The following SGCD variants were observed in gnomAD, a reference collection of about 807,000 sequenced individuals.
The protein encoded by SGCD is sarcoglycan delta, also known as delta-sarcoglycan.
A neutral mutation model predicts 36.6 loss-of-function variants in SGCD; 18 were observed. The observed-to-expected ratio is 0.49, with a 90% CI of 0.34 to 0.73. SGCD has a LOEUF of 0.73. Among genes scored for constraint, SGCD ranks in the 30% least tolerant of loss-of-function variants. The probability of loss-of-function intolerance (pLI) is 0.01; values close to 1 mark genes in which losing one functional copy is unlikely to be tolerated. For synonymous variants in SGCD, 133 were observed against 130.6 expected, an observed-to-expected ratio of 1.02 and a Z score of -0.12; for missense variants, 387 against 346.7, an observed-to-expected ratio of 1.12 and a Z score of -0.92.
chr5:156,307,180 T>A (rs1327757991), intron 3 of SGCD, among the ~76,000 whole-genome samples: 3 of 152,066 alleles, frequency 2.0e-5, no homozygotes, highest in Non-Finnish European at 2.9e-5. Context: ...TAGCTGGGAC[T>A]ATAAGTGTGC....
chr5:156,134,637 A>T (rs921796903), intron 3 of SGCD, among the ~76,000 whole-genome samples: 29 of 144,036 alleles, frequency 2.0e-4, no homozygotes, highest in Non-Finnish European at 7.6e-5. Context: ...ATAGGTGGGA[A>T]TTGAACCATG....
intron 4 of SGCD, among the ~76,000 whole-genome samples, chr5:156,517,413 G>A (rs577694233): frequency 2.0e-5 from 3 of 152,242 alleles, no homozygotes; most frequent in Admixed American, 6.5e-5. Context: ...GTTGGAAAAC[G>A]TACTTCAGAA....
At chr5:156,080,657 C>T (rs1158977213) in intron 1 of SGCD, among the ~76,000 whole-genome samples, 1 of 152,184 alleles carries the variant, frequency 6.6e-6, no homozygotes, top group African/African-American at 2.4e-5. Context: ...CCACAGATCC[C>T]TAGGGCATGA....
chr5:156,612,275 C>T (rs1017216805), intron 6 of SGCD, among the ~76,000 whole-genome samples: 1 of 152,172 alleles, frequency 6.6e-6, no homozygotes, highest in African/African-American at 2.4e-5. Context: ...GAGAATGGTG[C>T]ATTGGCTTTT....
intron 1 of SGCD, among the ~76,000 whole-genome samples, chr5:155,966,611 C>CT (rs2127558307): frequency 6.6e-6 from 1 of 152,222 alleles, no homozygotes; most frequent in South Asian, 2.1e-4. Flanking sequence ...TTTAACCTTT[C>CT]TTTTACCAGC....
intron 3 of SGCD, among the ~76,000 whole-genome samples, chr5:156,402,631 A>G (rs1772214621): frequency 6.6e-6 from 1 of 152,224 alleles, no homozygotes; most frequent in South Asian, 2.1e-4. Context: ...TCATACATGC[A>G]TGAACTTGCA....
At chr5:155,907,609 A>C (rs548065688) in intron 1 of SGCD, among the ~76,000 whole-genome samples, 1 of 152,258 alleles carries the variant, frequency 6.6e-6, no homozygotes, top group Admixed American at 6.6e-5. Context: ...TATCATAAAA[A>C]TAGTAAGAGA....
chr5:156,384,040 C>G (rs140615), intron 3 of SGCD, among the ~76,000 whole-genome samples: 82,043 of 151,964 alleles, frequency 0.54, 22,614 homozygotes, highest in East Asian at 0.72. Context: ...ATATGTATTT[C>G]GGTGTGTACA....
intron 3 of SGCD, among the ~76,000 whole-genome samples, chr5:156,134,250 T>A (rs1048984369): frequency 6.6e-6 from 1 of 152,048 alleles, no homozygotes; most frequent in Non-Finnish European, 1.5e-5. Flanking sequence ...GATTGAAGAG[T>A]CAATCTATGC....
chr5:156,419,569 G>A (rs1479033334), intron 3 of SGCD, among the ~76,000 whole-genome samples: 1 of 152,146 alleles, frequency 6.6e-6, no homozygotes, highest in Non-Finnish European at 1.5e-5. Context: ...ATCAGCCTAA[G>A]AATCTGATAA....
intron 3 of SGCD, among the ~76,000 whole-genome samples, chr5:156,221,208 C>T (rs1764709251): frequency 6.6e-6 from 1 of 151,950 alleles, no homozygotes; most frequent in African/African-American, 2.4e-5. Context: ...ACTGGGAAGT[C>T]CAAGATCATG....
chr5:156,102,022 T>G (rs1026830111), intron 1 of SGCD, among the ~76,000 whole-genome samples: 3 of 151,050 alleles, frequency 2.0e-5, no homozygotes, highest in Non-Finnish European at 4.4e-5. Context: ...GTTTATGGAC[T>G]CATAGCATTT....
chr5:156,728,336 A>G (rs1316764742), intron 7 of SGCD, among the ~76,000 whole-genome samples: 1 of 151,920 alleles, frequency 6.6e-6, no homozygotes, highest in Non-Finnish European at 1.5e-5. Context: ...AACATGGCAA[A>G]ATCCCGTCTC....
At chr5:155,937,739 C>T (rs1422699335) in intron 1 of SGCD, among the ~76,000 whole-genome samples, 1 of 152,166 alleles carries the variant, frequency 6.6e-6, no homozygotes, top group Non-Finnish European at 1.5e-5. Context: ...AGTTGAGAAG[C>T]AACAAACCTA....
chr5:156,303,796 T>C (rs1313033883), intron 3 of SGCD, among the ~76,000 whole-genome samples: 1 of 151,726 alleles, frequency 6.6e-6, no homozygotes, highest in African/African-American at 2.4e-5. Flanking sequence ...TTCCACTTGG[T>C]AACCTCTTTT....
chr5:155,831,774 A>G, the SGCD span, among the ~76,000 whole-genome samples: 1 of 152,188 alleles, frequency 6.6e-6, no homozygotes, highest in African/African-American at 2.4e-5. Context: ...GCTTCCACAG[A>G]GTCTGTAGGG....
At chr5:156,653,172 A>G (rs575606215) in intron 7 of SGCD, among the ~76,000 whole-genome samples, 1 of 152,164 alleles carries the variant, frequency 6.6e-6, no homozygotes, top group East Asian at 1.9e-4. Flanking sequence ...AGAATTGGTA[A>G]CAGCTCTTCT....
intron 6 of SGCD, among the ~76,000 whole-genome samples, chr5:156,602,287 TC>T (rs1264378468): frequency 1.3e-5 from 2 of 150,786 alleles, no homozygotes; most frequent in Non-Finnish European, 2.9e-5. Flanking sequence ...TTTGTATACG[TC>T]CATTTGATGT....
chr5:156,550,462 A>G (rs544565906), intron 4 of SGCD, among the ~76,000 whole-genome samples: 1 of 152,350 alleles, frequency 6.6e-6, no homozygotes, highest in East Asian at 1.9e-4. Context: ...CACTGCAGAC[A>G]TTGCTGCCTG....
Sources: allele counts gnomAD v4.1 joint callset (sites outside exome capture counted in the v4.1 genomes callset), GRCh38; gene constraint gnomAD v4.1.1; transcripts MANE v1.5; gene names NCBI Gene and HGNC (gene_info 2026-07-23, HGNC 2026-07-21).